Variants in PDE1C observed in about 807,000 individuals in gnomAD.
PDE1C encodes phosphodiesterase 1C.
PDE1C carries 62 observed loss-of-function variants against 93.1 expected under a neutral mutation model. That is an observed-to-expected ratio of 0.67 (90% CI 0.54 to 0.82). The LOEUF is 0.82. PDE1C is among the 40% of genes least tolerant of loss of function. PDE1C has a pLI of 0.00. For missense variants in PDE1C, 742 were observed against 884.6 expected, an observed-to-expected ratio of 0.84 and a Z score of 2.04; for synonymous variants, 325 against 310.1, an observed-to-expected ratio of 1.05 and a Z score of -0.50.
chr7:32,217,510 G>C (rs1584977765), intron 1 of PDE1C, among the ~76,000 whole-genome samples: 1 of 152,330 alleles, frequency 6.6e-6, no homozygotes, highest in African/African-American at 2.4e-5. Flanking sequence ...CCTGGGATCT[G>C]TTTCAAGCTT....
rs542678223 is a variant in PDE1C, at chr7:31,918,447, A to C, written c.129-37587T>G. Among the ~76,000 whole-genome samples, 5 of 152,336 alleles carry C rather than the reference A, an allele frequency of 3.3e-5. No individual in the cohort carries two copies. In the East Asian group the frequency reaches 9.6e-4, roughly 29 times the overall value. ...ACCCAAGTGATTTCTCCTTCATCCCAGAGCAAAGAGGGAGAAAGAGCTGCT... is the reference window on the plus strand; with the variant it reads ...ACCCAAGTGATTTCTCCTTCATCCCCGAGCAAAGAGGGAGAAAGAGCTGCT... On this transcript the variant is annotated intron_variant, in intron 2 of 17. Coordinates refer to ENST00000396191, the MANE Select transcript of PDE1C (RefSeq NM_001191057.4).
At chr7:31,698,249 GA>G in the PDE1C span, among the ~76,000 whole-genome samples, 1 of 152,216 alleles carries the variant, frequency 6.6e-6, no homozygotes, top group Admixed American at 6.5e-5. Flanking sequence ...CATCACGACA[GA>G]AACAGTCAGG....
At chr7:31,801,469 T>A (rs1158058792) in intron 16 of PDE1C, among the ~76,000 whole-genome samples, 1 of 151,516 alleles carries the variant, frequency 6.6e-6, no homozygotes, top group African/African-American at 2.4e-5. Context: ...TTGAAAAAGA[T>A]GTGTATTCTT....
intron 2 of PDE1C, among the ~76,000 whole-genome samples, chr7:32,208,038 A>G (rs181137254): frequency 6.6e-5 from 10 of 152,308 alleles, no homozygotes; most frequent in Admixed American, 5.2e-4. Context: ...TGAAATATCT[A>G]TTTTGCAAAT....
Position 32,406,074 on chromosome 7 carries a change from T to C in PDE1C, c.310+21748A>G, listed in dbSNP as rs565176440. Among the ~76,000 whole-genome samples the C allele has an allele frequency of 2.6e-5, 4 of 152,288 alleles. No individual in the cohort carries two copies. The South Asian group carries it at 6.2e-4, about 24-fold the overall frequency. ...ACGTTACAAGTTATTAGTATCTTCA[T>C]GTTACAGAAAAGGAACAGATTCCCA... On this transcript the variant is annotated intron_variant, in intron 1 of 1. Transcript: ENST00000672256.
intron 2 of PDE1C, among the ~76,000 whole-genome samples, chr7:31,922,559 C>T (rs1399195528): frequency 1.3e-5 from 2 of 152,136 alleles, no homozygotes; most frequent in Non-Finnish European, 2.9e-5. Flanking sequence ...TTAATCTATG[C>T]ACAAGCCATC....
upstream of PDE1C, among the ~76,000 whole-genome samples, chr7:32,073,856 A>C (rs1584705269): frequency 6.6e-6 from 1 of 152,338 alleles, no homozygotes; most frequent in East Asian, 1.9e-4. Flanking sequence ...CTGGAAACAA[A>C]AGGTCTAAGA....
chr7:32,281,738 G>T (rs1811643395), intron 1 of PDE1C, among the ~76,000 whole-genome samples: 1 of 152,156 alleles, frequency 6.6e-6, no homozygotes, highest in Non-Finnish European at 1.5e-5. Context: ...GTTTGTTGCG[G>T]CACTATTCAC....
chr7:31,638,157 G>T, the PDE1C span, among the ~76,000 whole-genome samples: 1 of 152,170 alleles, frequency 6.6e-6, no homozygotes, highest in Non-Finnish European at 1.5e-5. Context: ...GAATCATCAT[G>T]AATTTTGTAC....
intron 2 of PDE1C, among the ~76,000 whole-genome samples, chr7:32,045,719 G>A (rs952741876): frequency 6.6e-6 from 1 of 152,126 alleles, no homozygotes; most frequent in East Asian, 1.9e-4. Flanking sequence ...AAAGAACTTC[G>A]GAATTAACCA....
At chr7:31,943,491 T>C (rs1806129420) in intron 2 of PDE1C, among the ~76,000 whole-genome samples, 1 of 152,196 alleles carries the variant, frequency 6.6e-6, no homozygotes, top group Non-Finnish European at 1.5e-5. Flanking sequence ...AGATTTATTT[T>C]GTATTGCCCA....
At chr7:31,642,945 C>G in the PDE1C span, 3 of 1,614,046 alleles carry the variant, frequency 1.9e-6, no homozygotes, top group Non-Finnish European at 2.5e-6. Context: ...TGGCCTGTGC[C>G]AAGACCACCA....
the PDE1C span, chr7:31,652,659 G>A: frequency 6.2e-7 from 1 of 1,613,874 alleles, no homozygotes; most frequent in South Asian, 1.1e-5. Context: ...TCCTCCCGAT[G>A]ATGGCCAGGA....
upstream of PDE1C, chr7:32,070,736 C>T (rs2128727207): frequency 1.8e-6 from 2 of 1,114,236 alleles, no homozygotes; most frequent in Non-Finnish European, 2.2e-6. Context: ...CTCCCCCTAC[C>T]CCCAAACAAA....
At chr7:32,080,273 A>G (rs928861248) in intron 3 of PDE1C, among the ~76,000 whole-genome samples, 2 of 152,114 alleles carry the variant, frequency 1.3e-5, no homozygotes, top group Non-Finnish European at 2.9e-5. Flanking sequence ...AGTCTTGTTC[A>G]CCACTGTCCC....
At chr7:32,423,238 A>G (rs1176812339) in intron 1 of PDE1C, among the ~76,000 whole-genome samples, 1 of 152,194 alleles carries the variant, frequency 6.6e-6, no homozygotes, top group Non-Finnish European at 1.5e-5. Flanking sequence ...TTAGCTGGGC[A>G]TGGTGGCTTC....
the PDE1C span, among the ~76,000 whole-genome samples, chr7:31,627,638 C>A: frequency 9.4e-6 from 1 of 106,042 alleles, no homozygotes; most frequent in South Asian, 3.2e-4. Flanking sequence ...CCAGCCTGAG[C>A]AACAGAGCAA....
At chr7:31,924,006 C>T (rs1299622892) in intron 2 of PDE1C, among the ~76,000 whole-genome samples, 1 of 151,978 alleles carries the variant, frequency 6.6e-6, no homozygotes, top group Non-Finnish European at 1.5e-5. Flanking sequence ...TCCTGTGTAG[C>T]TCTGGTTTGA....
chr7:32,106,099 C>A (rs1798296196), intron 3 of PDE1C, among the ~76,000 whole-genome samples: 1 of 151,520 alleles, frequency 6.6e-6, no homozygotes, highest in African/African-American at 2.4e-5. Context: ...ACAGCCTCGA[C>A]CTCCTGGGCT....
Sources: gnomAD v4.1 joint callset for allele counts (sites outside exome capture counted in the v4.1 genomes callset) on GRCh38, gnomAD v4.1.1 for gene constraint, MANE v1.5 for transcripts, NCBI Gene and HGNC (gene_info 2026-07-23, HGNC 2026-07-21) for gene names.